Variants in OR5M9 observed in about 807,000 individuals in gnomAD.
OR5M9 encodes the protein olfactory receptor 5M9.
For missense variants in OR5M9, 464 were observed against 383.6 expected (o/e 1.21, Z -1.75); for synonymous variants, 174 against 145.0 (o/e 1.20, Z -1.44).
chr11:56,463,336 C>T lies in OR5M9; in HGVS notation c.66G>A (p.Gln22=). 1 of 1,613,640 alleles carries T rather than the reference C, an allele frequency of 6.2e-7. No individual in the cohort carries two copies. The highest frequency in any genetic ancestry group is 8.5e-7 in the Non-Finnish European group (1 of 1,179,828). The change falls in exon 1 of 1, where the codon CAG becomes CAA. Residue 22 remains glutamine (Q), a synonymous_variant. Coordinates refer to ENST00000279791, the MANE Select transcript of OR5M9 (RefSeq NM_001004743.1). ...LLGLTCRQEL[Q]VLFFVVFLAV... ...CTAGGAACACCACAAAAAAGAGAAC[C>T]TGTAGCTCCTGACGACAGGTCAGCC...
rs1024904644 is a variant in OR5M9, at chr11:56,463,171, G to A, written c.231C>T (p.Pro77=). 3 of 1,613,924 alleles carry A rather than the reference G, an allele frequency of 1.9e-6. No homozygotes were observed. Among genetic ancestry groups the A allele is most frequent in the Non-Finnish European group, 2.5e-6 (3 of 1,179,902 alleles). The change falls in exon 1 of 1, where the codon CCC becomes CCT. Residue 77 remains proline (P), a synonymous_variant. Coordinates refer to ENST00000279791, the MANE Select transcript of OR5M9 (RefSeq NM_001004743.1). ...CTGATAATAAGTTTTCCAGCATTTT[G>A]GGGGTAACGTTGGAGGAGAAGCACA... The part of the protein sequence containing the change: ...ADVCFSSNVT[P]KMLENLLSET...
In OR5M9 at chr11:56,462,862, G is replaced by A. The variant is rs1238001554; in HGVS notation, c.540C>T (p.Pro180=). The change falls in exon 1 of 1, where the codon CCC becomes CCT. Residue 180 remains proline (P), a synonymous_variant. Coordinates refer to ENST00000279791, the MANE Select transcript of OR5M9 (RefSeq NM_001004743.1). ...TCCCACAGGCAATCTGGATGAGAGG[G>A]GGATCTGCACAATAGAAGTGATTGA... ...FEINHFYCAD[P]PLIQIACGRV... is the part of the protein sequence containing the mutation. 1 of 1,613,980 alleles carries A rather than the reference G, an allele frequency of 6.2e-7. No individual in the cohort carries two copies. The highest frequency in any genetic ancestry group is 1.1e-5 in the South Asian group (1 of 91,076).
In OR5M9 at chr11:56,463,048, A is replaced by G. The variant is rs1216045384; in HGVS notation, c.354T>C (p.Phe118=). 6.2e-7 allele frequency: 1 copy of G among 1,613,968 alleles called. No homozygotes were observed. The highest frequency in any genetic ancestry group is 1.3e-5 in the African/African-American group (1 of 74,930). The change falls in exon 1 of 1, where the codon TTT becomes TTC. Residue 118 remains phenylalanine, a synonymous_variant. Coordinates refer to ENST00000279791, the MANE Select transcript of OR5M9 (RefSeq NM_001004743.1). ...GGTTGCAGCCGGCCATGTACCTGTCAAAGGCCATCACAGCCAGGATATAGA... is the reference window on the plus strand; with the variant it reads ...GGTTGCAGCCGGCCATGTACCTGTCGAAGGCCATCACAGCCAGGATATAGA... ...VEVYILAVMA[F]DRYMAGCNPL... is the part of the protein sequence containing the mutation.
Position 56,462,541 on chromosome 11 carries a change from G to T in OR5M9, c.861C>A (p.Ile287=). 5 of 1,613,626 alleles carry T rather than the reference G, an allele frequency of 3.1e-6. No individual in the cohort carries two copies. Among genetic ancestry groups the T allele is most frequent in the Non-Finnish European group, 4.2e-6 (5 of 1,179,632 alleles). Reference sequence around the variant, plus strand: ...TTACATCCTTATTTCTCAGACTGTAGATCATGGGATTCAACATAGGAATTA... The same window carrying T: ...TTACATCCTTATTTCTCAGACTGTATATCATGGGATTCAACATAGGAATTA... ...TTVIPMLNPM[I]YSLRNKDVKE... is the part of the protein sequence containing the mutation. The change falls in exon 1 of 1, where the codon ATC becomes ATA. Residue 287 remains isoleucine (I), a synonymous_variant. Coordinates refer to ENST00000279791, the MANE Select transcript of OR5M9 (RefSeq NM_001004743.1).
At position 56,462,858 on chromosome 11, in the gene OR5M9, GA is replaced by G; in HGVS notation, c.543del (p.Leu182SerfsTer16). The G allele has an allele frequency of 2.5e-6, 4 of 1,614,002 alleles. No homozygotes were observed. Among genetic ancestry groups the G allele is most frequent in the Non-Finnish European group, 3.4e-6 (4 of 1,179,978 alleles). On this transcript the variant is annotated frameshift_variant, in exon 1 of 1. Transcript: ENST00000279791. LOFTEE classifies it low-confidence loss of function (END_TRUNC). Reference protein sequence around the residue: ...EINHFYCADPPLIQIACGRVH... With the variant: ...EINHFYCADPXLIQIACGRVH... ...ACTCTCCCACAGGCAATCTGGATGA[GA>G]GGGGGATCTGCACAATAGAAGTGAT... is the stretch of plus-strand genomic sequence containing the variant.
rs774891559 is a variant in OR5M9, at chr11:56,463,045, G to C, written c.357C>G (p.Asp119Glu). 8.7e-6 allele frequency: 14 copies of C among 1,613,956 alleles called. No individual in the cohort carries two copies. The highest frequency in any genetic ancestry group is 1.2e-5 in the Non-Finnish European group (14 of 1,179,974). The change falls in exon 1 of 1, where the codon GAC becomes GAG. Residue 119 changes from aspartate (D) to glutamate (E), a missense_variant. Asp to Glu is a conservative substitution (Grantham distance 45). Transcript: ENST00000279791. The part of the protein sequence containing the change: ...EVYILAVMAF[D>E]RYMAGCNPLL... The stretch of plus-strand genomic sequence containing the variant: ...GAGGGTTGCAGCCGGCCATGTACCT[G>C]TCAAAGGCCATCACAGCCAGGATAT...
Position 56,462,574 on chromosome 11 carries a change from G to A in OR5M9, c.828C>T (p.Tyr276=), listed in dbSNP as rs1156765360. The change falls in exon 1 of 1, where the codon TAC becomes TAT. Residue 276 remains tyrosine (Y), a synonymous_variant. Coordinates refer to ENST00000279791, the MANE Select transcript of OR5M9 (RefSeq NM_001004743.1). ...VEQGKMVAVF[Y]TTVIPMLNPM... ...GATTCAACATAGGAATTACTGTGGT[G>A]TAAAACACAGCCACCATTTTGCCCT... 4 of 1,613,192 alleles carry A rather than the reference G, an allele frequency of 2.5e-6. No individual in the cohort carries two copies. Among genetic ancestry groups the A allele is most frequent in the Non-Finnish European group, 3.4e-6 (4 of 1,179,182 alleles).
In OR5M9 at chr11:56,463,187, G is replaced by T. The variant is rs1188168678; in HGVS notation, c.215C>A (p.Ser72Tyr). Residue 72 changes from serine to tyrosine, a missense_variant, in exon 1 of 1, where the codon TCC (serine) becomes TAC (tyrosine). Coordinates refer to ENST00000279791, the MANE Select transcript of OR5M9 (RefSeq NM_001004743.1). The part of the protein sequence containing the change: ...SHLSFADVCF[S>Y]SNVTPKMLEN... ...CAGCATTTTGGGGGTAACGTTGGAGGAGAAGCACACGTCCGCAAAAGACAG... is the reference window on the plus strand; with the variant it reads ...CAGCATTTTGGGGGTAACGTTGGAGTAGAAGCACACGTCCGCAAAAGACAG... 1 of 1,613,904 alleles carries T rather than the reference G, an allele frequency of 6.2e-7. No individual in the cohort carries two copies. Among genetic ancestry groups the T allele is most frequent in the African/African-American group, 1.3e-5 (1 of 75,018 alleles).
Position 56,462,640 on chromosome 11 carries a change from G to A in OR5M9, c.762C>T (p.Ile254=), listed in dbSNP as rs1300115120. ...TAVSMFYGTP[I]FMYLRRPTEE... ...CAGTGGGTCTCCTGAGATACATGAA[G>A]ATGGGGGTCCCATAAAACATAGAAA... The change falls in exon 1 of 1, where the codon ATC becomes ATT. Residue 254 remains isoleucine, a synonymous_variant. Coordinates refer to ENST00000279791, the MANE Select transcript of OR5M9 (RefSeq NM_001004743.1). 1.2e-6 allele frequency: 2 copies of A among 1,613,926 alleles called. No homozygotes were observed. Among genetic ancestry groups the A allele is most frequent in the East Asian group, 2.2e-5 (1 of 44,824 alleles).
chr11:56,462,524 T>G lies in OR5M9; in HGVS notation c.878A>C (p.Lys293Thr), dbSNP rs767592816. ...LNPMIYSLRN[K>T]DVKEAVNKAI... ...TTTGTTGACTGCTTCTTTTACATCC[T>G]TATTTCTCAGACTGTAGATCATGGG... The change falls in exon 1 of 1, where the codon AAG becomes ACG. Residue 293 changes from lysine to threonine, a missense_variant. By Grantham distance (78) the Lys-to-Thr change is moderately conservative. Coordinates refer to ENST00000279791, the MANE Select transcript of OR5M9 (RefSeq NM_001004743.1). 1.2e-6 allele frequency: 2 copies of G among 1,613,802 alleles called. No individual in the cohort carries two copies. The highest frequency in any genetic ancestry group is 4.5e-5 in the East Asian group (2 of 44,882).
Position 56,463,290 on chromosome 11 carries a change from A to G in OR5M9, c.112T>C (p.Leu38=), listed in dbSNP as rs759571700. The change falls in exon 1 of 1, where the codon TTG becomes CTG. Residue 38 remains leucine, a synonymous_variant. Transcript: ENST00000279791. The part of the protein sequence containing the change: ...VFLAVYMITL[L]GNIGMIILIS... Reference sequence around the variant, plus strand: ...AAAATGATCATACCAATATTTCCCAACAGAGTGATCATGTAAACCGCTAGG... The same window carrying G: ...AAAATGATCATACCAATATTTCCCAGCAGAGTGATCATGTAAACCGCTAGG... The G allele has an allele frequency of 2.5e-6, 4 of 1,613,580 alleles. No individual in the cohort carries two copies. Among genetic ancestry groups the G allele is most frequent in the Non-Finnish European group, 3.4e-6 (4 of 1,179,616 alleles).
Position 56,462,777 on chromosome 11 carries a change from G to C in OR5M9, c.625C>G (p.Leu209Val), listed in dbSNP as rs147580561. 1,149 of 1,613,234 alleles carry C rather than the reference G, an allele frequency of 7.1e-4. 11 individuals are homozygous for C. In the African/African-American group the frequency reaches 0.014, roughly 20 times the overall value. ...VIAGINFTYS[L>V]SVVLISYTLI... is the part of the protein sequence containing the mutation. ...GTGTAGGAGATGAGGACCACCGAGA[G>C]GGAATATGTGAAGTTAATTCCAGCA... Residue 209 changes from leucine (L) to valine (V), a missense_variant, in exon 1 of 1, where the codon CTC (leucine) becomes GTC (valine). Transcript: ENST00000279791.
chr11:56,463,127 T>A lies in OR5M9; in HGVS notation c.275A>T (p.Tyr92Phe), dbSNP rs763053297. 1.2e-6 allele frequency: 2 copies of A among 1,613,992 alleles called. No individual in the cohort carries two copies. The highest frequency in any genetic ancestry group is 8.5e-7 in the Non-Finnish European group (1 of 1,179,956). Residue 92 changes from tyrosine to phenylalanine, a missense_variant, in exon 1 of 1, where the codon TAT becomes TTT. Transcript: ENST00000279791. ...GTAGCACTGCACCAAGCATCCCACATAGGAAATGGTTTTTGTCTCTGATAA... is the reference window on the plus strand; with the variant it reads ...GTAGCACTGCACCAAGCATCCCACAAAGGAAATGGTTTTTGTCTCTGATAA... ...NLLSETKTIS[Y>F]VGCLVQCYFF...
In OR5M9 at chr11:56,462,860, GGGGGATC is replaced by G; in HGVS notation, c.535_541del (p.Asp179LeufsTer17). ...TCTCCCACAGGCAATCTGGATGAGA[GGGGGATC>G]TGCACAATAGAAGTGATTGATTTCA... On this transcript the variant is annotated frameshift_variant, in exon 1 of 1. Coordinates refer to ENST00000279791, the MANE Select transcript of OR5M9 (RefSeq NM_001004743.1). LOFTEE classifies it low-confidence loss of function (END_TRUNC). 6.2e-7 allele frequency: 1 copy of G among 1,613,960 alleles called. No homozygotes were observed. Among genetic ancestry groups the G allele is most frequent in the Admixed American group, 1.7e-5 (1 of 59,990 alleles).
rs147714878 is a variant in OR5M9 at position 56,463,301 on chromosome 11, A to G, written c.101T>C (p.Met34Thr). The G allele has an allele frequency of 3.8e-5, 62 of 1,613,612 alleles. No individual in the cohort carries two copies. The African/African-American group carries it at 6.7e-4, about 17-fold the overall frequency. ...LFFVVFLAVY[M>T]ITLLGNIGMI... ...ACCAATATTTCCCAACAGAGTGATC[A>G]TGTAAACCGCTAGGAACACCACAAA... The change falls in exon 1 of 1, where the codon ATG (methionine) becomes ACG (threonine). Residue 34 changes from methionine to threonine, a missense_variant. Physicochemically the swap from Met to Thr is moderately conservative, Grantham distance 81. Transcript: ENST00000279791.
chr11:56,462,563 A>G lies in OR5M9; in HGVS notation c.839T>C (p.Ile280Thr). ...KMVAVFYTTV[I>T]PMLNPMIYSL... ...GTAGATCATGGGATTCAACATAGGA[A>G]TTACTGTGGTGTAAAACACAGCCAC... The change falls in exon 1 of 1, where the codon ATT (isoleucine) becomes ACT (threonine). Residue 280 changes from isoleucine (I) to threonine (T), a missense_variant. Physicochemically the swap from Ile to Thr is moderately conservative, Grantham distance 89 (BLOSUM62 -1). Coordinates refer to ENST00000279791, the MANE Select transcript of OR5M9 (RefSeq NM_001004743.1). 6.2e-7 allele frequency: 1 copy of G among 1,613,724 alleles called. No homozygotes were observed. Among genetic ancestry groups the G allele is most frequent in the South Asian group, 1.1e-5 (1 of 91,078 alleles).
In OR5M9 at chr11:56,462,618, T is replaced by C; in HGVS notation, c.784A>G (p.Thr262Ala). 6.2e-7 allele frequency: 1 copy of C among 1,613,946 alleles called. No homozygotes were observed. Among genetic ancestry groups the C allele is most frequent in the Non-Finnish European group, 8.5e-7 (1 of 1,179,930 alleles). ...TPIFMYLRRP[T>A]EESVEQGKMV... ...TTGCCCTGCTCTACGGATTCCTCAG[T>C]GGGTCTCCTGAGATACATGAAGATG... Residue 262 changes from threonine (T) to alanine (A), a missense_variant, in exon 1 of 1, where the codon ACT (threonine) becomes GCT (alanine). Coordinates refer to ENST00000279791, the MANE Select transcript of OR5M9 (RefSeq NM_001004743.1).
Position 56,462,917 on chromosome 11 carries a change from T to C in OR5M9, c.485A>G (p.Tyr162Cys). ...SVSLICTLWT[Y>C]GLYFCGNFEI... ...AAAGTTTCCACAGAAGTATAAGCCA[T>C]AAGTCCATAGTGTGCATATTAGGCT... is the stretch of plus-strand genomic sequence containing the variant. The change falls in exon 1 of 1, where the codon TAT (tyrosine) becomes TGT (cysteine). Residue 162 changes from tyrosine to cysteine, a missense_variant. Physicochemically the swap from Tyr to Cys is radical, Grantham distance 194. Transcript: ENST00000279791. 1 of 1,614,080 alleles carries C rather than the reference T, an allele frequency of 6.2e-7. No homozygotes were observed. The highest frequency in any genetic ancestry group is 8.5e-7 in the Non-Finnish European group (1 of 1,179,970).
Position 56,463,315 on chromosome 11 carries a change from G to T in OR5M9, c.87C>A (p.Phe29Leu), listed in dbSNP as rs757096299. The T allele has an allele frequency of 1.3e-5, 21 of 1,613,538 alleles. No individual in the cohort carries two copies. The highest frequency in any genetic ancestry group is 1.7e-5 in the Non-Finnish European group (20 of 1,179,690). ...ACAGAGTGATCATGTAAACCGCTAG[G>T]AACACCACAAAAAAGAGAACCTGTA... is the stretch of plus-strand genomic sequence containing the variant. ...QELQVLFFVV[F>L]LAVYMITLLG... The change falls in exon 1 of 1, where the codon TTC (phenylalanine) becomes TTA (leucine). Residue 29 changes from phenylalanine to leucine, a missense_variant. Phe to Leu is a conservative substitution (Grantham distance 22). Coordinates refer to ENST00000279791, the MANE Select transcript of OR5M9 (RefSeq NM_001004743.1).
Sources: allele counts gnomAD v4.1 joint callset, GRCh38; gene constraint gnomAD v4.1.1; transcripts MANE v1.5; gene names NCBI Gene and HGNC (gene_info 2026-07-23, HGNC 2026-07-21).